The following KIRREL3 variants were observed in gnomAD, a reference collection of about 807,000 sequenced individuals.
The protein encoded by KIRREL3 is kin of IRRE-like protein 3.
In KIRREL3, 36 loss-of-function variants were observed where a neutral mutation model predicts 89.7. The ratio of observed to expected loss-of-function variants is 0.40; its 90% CI spans 0.31 to 0.53. The LOEUF (loss-of-function observed/expected upper bound fraction) is 0.53, where lower values mean the gene tolerates loss of function less well. KIRREL3 is among the 20% of genes least tolerant of loss of function. The pLI, the probability that KIRREL3 is intolerant of heterozygous loss-of-function variation, is 0.49. For missense variants in KIRREL3, 864 were observed against 1,056.6 expected (o/e 0.82, Z 2.53); for synonymous variants, 445 against 441.4 (o/e 1.01, Z -0.10).
intron 6 of KIRREL3, among the ~76,000 whole-genome samples, chr11:126,458,070 A>C (rs577444193): frequency 1.4e-4 from 21 of 152,276 alleles, no homozygotes; most frequent in African/African-American, 4.8e-4. Flanking sequence ...ATAACGAGCC[A>C]GTTCCCATCC....
chr11:126,722,460 T>C (rs567469737), intron 1 of KIRREL3, among the ~76,000 whole-genome samples: 2 of 152,396 alleles, frequency 1.3e-5, no homozygotes, highest in African/African-American at 2.4e-5. Flanking sequence ...TTACACCATA[T>C]CAGGGGTTGG....
chr11:126,973,852 T>C (rs1210983459), intron 1 of KIRREL3, among the ~76,000 whole-genome samples: 3 of 152,210 alleles, frequency 2.0e-5, no homozygotes, highest in African/African-American at 7.2e-5. Context: ...TTGCTCCCAC[T>C]GTGCCAGGTA....
chr11:126,991,550 A>G lies in KIRREL3; in HGVS notation c.55+8905T>C, dbSNP rs1950036051. ...AGCAGTATGTCCTTAATTACTCTTC[A>G]GCCCCAAAGCCTGGCCTGTTATTTC... is the stretch of plus-strand genomic sequence containing the variant. On this transcript the variant is annotated intron_variant, in intron 1 of 16. Coordinates refer to ENST00000525144, the MANE Select transcript of KIRREL3 (RefSeq NM_032531.4). This position sits in a 1 kb window ranked among gnomAD's most constrained non-coding sequence, Gnocchi z 5.8. Among the ~76,000 whole-genome samples the G allele has an allele frequency of 6.6e-6, 1 of 152,184 alleles. No homozygotes were observed. The highest frequency in any genetic ancestry group is 1.5e-5 in the Non-Finnish European group (1 of 68,042).
chr11:126,820,708 C>T (rs2134451997), intron 1 of KIRREL3, among the ~76,000 whole-genome samples: 1 of 152,130 alleles, frequency 6.6e-6, no homozygotes, highest in Middle Eastern at 3.4e-3. Flanking sequence ...AGCAGAGTCT[C>T]AGCGGGCACA....
rs1950093252 is a variant in KIRREL3, at chr11:126,773,891, C to A, written c.56-210979G>T. On this transcript the variant is annotated intron_variant, in intron 1 of 16. Coordinates refer to ENST00000525144, the MANE Select transcript of KIRREL3 (RefSeq NM_032531.4). The surrounding 1 kb of genome is among the most constrained non-coding windows in gnomAD (Gnocchi z 4.2). Reference sequence around the variant, plus strand: ...TTAAAAGTGCAAACAGCAGAACACACCCCAGGGAGGTGAGGAGGTTGTGCA... The same window carrying A: ...TTAAAAGTGCAAACAGCAGAACACAACCCAGGGAGGTGAGGAGGTTGTGCA... Among the ~76,000 whole-genome samples the A allele has an allele frequency of 6.6e-6, 1 of 152,182 alleles. No homozygotes were observed. Among genetic ancestry groups the A allele is most frequent in the Non-Finnish European group, 1.5e-5 (1 of 68,036 alleles).
At chr11:126,472,616 G>A (rs374820932) in intron 5 of KIRREL3, among the ~76,000 whole-genome samples, 84 of 151,966 alleles carry the variant, frequency 5.5e-4, no homozygotes, top group African/African-American at 1.8e-3. Flanking sequence ...TGCACCCCTA[G>A]AACCTGGCCA....
chr11:126,630,465 G>C (rs1943972269), intron 1 of KIRREL3, among the ~76,000 whole-genome samples: 1 of 146,730 alleles, frequency 6.8e-6, no homozygotes, highest in South Asian at 2.2e-4. Context: ...TGCCCCTTTT[G>C]CTATTTGTTC....
intron 2 of KIRREL3, among the ~76,000 whole-genome samples, chr11:126,554,074 G>C (rs1939500171): frequency 6.6e-6 from 1 of 152,094 alleles, no homozygotes; most frequent in African/African-American, 2.4e-5. Context: ...CAGTTCTAGG[G>C]GGAGAAGAAG....
chr11:126,588,294 C>G (rs1941967895), intron 1 of KIRREL3, among the ~76,000 whole-genome samples: 1 of 152,232 alleles, frequency 6.6e-6, no homozygotes, highest in Non-Finnish European at 1.5e-5. Context: ...CTCTGAGCCC[C>G]AGTTTCCTAA....
In KIRREL3 at chr11:126,791,872, G is replaced by C. The variant is rs938558108; in HGVS notation, c.55+208583C>G. Among the ~76,000 whole-genome samples the C allele has an allele frequency of 6.6e-6, 1 of 152,212 alleles. No individual in the cohort carries two copies. The highest frequency in any genetic ancestry group is 2.4e-5 in the African/African-American group (1 of 41,458). ...TGTGAGGTATGGGAATGTGGATGTA[G>C]CATTGATTCACACTTGCTGTCTGCT... is the stretch of plus-strand genomic sequence containing the variant. On this transcript the variant is annotated intron_variant, in intron 1 of 16. Transcript: ENST00000525144. The surrounding 1 kb of genome is among the most constrained non-coding windows in gnomAD (Gnocchi z 4.8).
Position 126,614,765 on chromosome 11 carries a change from G to A in KIRREL3, c.56-51853C>T, listed in dbSNP as rs187807128. ...CTGTGCTGGGGTTCGAGGTGTCTCC[G>A]CTGGGAGACTCTGGGGAGATCCTGA... is the stretch of plus-strand genomic sequence containing the variant. On this transcript the variant is annotated intron_variant, in intron 1 of 16. Transcript: ENST00000525144. The surrounding 1 kb of genome is among the most constrained non-coding windows in gnomAD (Gnocchi z 4.6). Among the ~76,000 whole-genome samples, 2 of 152,122 alleles carry A rather than the reference G, an allele frequency of 1.3e-5. No individual in the cohort carries two copies. The highest frequency in any genetic ancestry group is 2.9e-5 in the Non-Finnish European group (2 of 68,034).
At chr11:126,712,875 T>A (rs1401726910) in intron 1 of KIRREL3, among the ~76,000 whole-genome samples, 1 of 152,190 alleles carries the variant, frequency 6.6e-6, no homozygotes, top group East Asian at 1.9e-4. Flanking sequence ...AGTTTAGGTG[T>A]CCAAGGCTTT....
At chr11:126,774,798 T>C (rs1233131260) in intron 1 of KIRREL3, among the ~76,000 whole-genome samples, 1 of 152,188 alleles carries the variant, frequency 6.6e-6, no homozygotes, top group Non-Finnish European at 1.5e-5. Context: ...TCTGAACCAA[T>C]TGGATCTGCA....
At chr11:126,433,358 A>G (rs1462695855) in intron 13 of KIRREL3, among the ~76,000 whole-genome samples, 1 of 152,166 alleles carries the variant, frequency 6.6e-6, no homozygotes, top group African/African-American at 2.4e-5. Context: ...TGGCCTCTGA[A>G]GATGCTGCTG....
At position 126,719,064 on chromosome 11, in the gene KIRREL3, C is replaced by T. The variant is rs1258594093; in HGVS notation, c.56-156152G>A. On this transcript the variant is annotated intron_variant, in intron 1 of 16. Coordinates refer to ENST00000525144, the MANE Select transcript of KIRREL3 (RefSeq NM_032531.4). This position sits in a 1 kb window ranked among gnomAD's most constrained non-coding sequence, Gnocchi z 4.7. ...CTTTCTCATGTTTGTTTTCCTCCTG[C>T]TATACCTCCTTTGCTGTGTTCTCTT... 6.6e-6 allele frequency among the ~76,000 whole-genome samples: 1 copy of T among 152,216 alleles called. No individual in the cohort carries two copies. Among genetic ancestry groups the T allele is most frequent in the East Asian group, 1.9e-4 (1 of 5,198 alleles).
At chr11:126,603,728 G>A (rs1942763777) in intron 1 of KIRREL3, among the ~76,000 whole-genome samples, 1 of 152,256 alleles carries the variant, frequency 6.6e-6, no homozygotes, top group Non-Finnish European at 1.5e-5. Flanking sequence ...GCCATATCCT[G>A]GGCAGGTGTG....
At chr11:126,437,075 G>A (rs574000227) in intron 11 of KIRREL3, 66 bp from the exon 12 acceptor site, 3 of 1,381,040 alleles carry the variant, frequency 2.2e-6, no homozygotes, top group African/African-American at 2.9e-5. Flanking sequence ...CCACACCAGA[G>A]TCACAGTGCC....
At chr11:126,598,720 A>C (rs1357400057) in intron 1 of KIRREL3, among the ~76,000 whole-genome samples, 1 of 152,170 alleles carries the variant, frequency 6.6e-6, no homozygotes, top group Admixed American at 6.5e-5. Context: ...TGAATGCCAA[A>C]CTGATACACA....
At chr11:126,822,017 C>A (rs1177400569) in intron 1 of KIRREL3, among the ~76,000 whole-genome samples, 12 of 152,310 alleles carry the variant, frequency 7.9e-5, no homozygotes, top group African/African-American at 2.9e-4. Flanking sequence ...TGTTGTGAGT[C>A]ACCCCATTTG....
Sources: allele counts gnomAD v4.1 joint callset (sites outside exome capture counted in the v4.1 genomes callset), GRCh38; gene constraint gnomAD v4.1.1; non-coding constraint Gnocchi (gnomAD v3.1); transcripts MANE v1.5; gene names NCBI Gene and HGNC (gene_info 2026-07-23, HGNC 2026-07-21).